Variants in FGF2 observed in about 807,000 individuals in gnomAD.
FGF2 encodes fibroblast growth factor 2.
FGF2 carries 13 observed loss-of-function variants against 15.9 expected under a neutral mutation model. The ratio of observed to expected loss-of-function variants is 0.82; its 90% CI spans 0.53 to 1.30. FGF2 has a LOEUF of 1.30. Among genes scored for constraint, FGF2 ranks in the 50% most tolerant of loss-of-function variants. The pLI, the probability that FGF2 is intolerant of heterozygous loss-of-function variation, is 0.00. For synonymous variants in FGF2, 90 were observed against 78.4 expected (o/e 1.15, Z -0.78); for missense variants, 163 against 196.9 (o/e 0.83, Z 1.03).
chr4:122,888,089 C>T (rs368536384), intron 2 of FGF2, among the ~76,000 whole-genome samples: 1 of 152,146 alleles, frequency 6.6e-6, no homozygotes, highest in South Asian at 2.1e-4. Flanking sequence ...GAATTATTAA[C>T]CTTTTCCTAT....
intron 1 of FGF2, among the ~76,000 whole-genome samples, chr4:122,864,916 TTA>T (rs1726541439): frequency 6.6e-6 from 1 of 152,324 alleles, no homozygotes; most frequent in South Asian, 2.1e-4. Context: ...TACATGCTTA[TTA>T]TAAAGGTAAC....
intron 1 of FGF2, among the ~76,000 whole-genome samples, chr4:122,875,334 A>G (rs925542980): frequency 6.6e-6 from 1 of 151,790 alleles, no homozygotes; most frequent in Non-Finnish European, 1.5e-5. Flanking sequence ...TTTTATGAAA[A>G]TCTTTCATCA....
chr4:122,844,410 G>C (rs1368939406), intron 1 of FGF2, among the ~76,000 whole-genome samples: 2 of 152,118 alleles, frequency 1.3e-5, no homozygotes, highest in Non-Finnish European at 2.9e-5. Context: ...ATGAGGGTTG[G>C]AGTCAACTTC....
At chr4:122,885,245 A>T (rs1411077468) in intron 2 of FGF2, among the ~76,000 whole-genome samples, 3 of 152,240 alleles carry the variant, frequency 2.0e-5, no homozygotes, top group Non-Finnish European at 4.4e-5. Flanking sequence ...AAGCTATCTG[A>T]AAAAGTTCCA....
rs1279664860 is a variant in FGF2 at position 122,894,610 on chromosome 4, TAAGAA to T, written c.*2218_*2222del. On this transcript the variant is annotated 3_prime_UTR_variant, in exon 3 of 3. Transcript: ENST00000644866. Reference sequence around the variant, plus strand: ...TCAAAAAAAGAGAAATTTTCCTTAATAAGAAAAGTAATTTTTACTCTGATGTGCAA... The same window carrying T: ...TCAAAAAAAGAGAAATTTTCCTTAATAAGTAATTTTTACTCTGATGTGCAA... 1 of 151,730 alleles carries T rather than the reference TAAGAA, an allele frequency of 6.6e-6. No homozygotes were observed. Among genetic ancestry groups the T allele is most frequent in the Non-Finnish European group, 1.5e-5 (1 of 68,018 alleles). 9.4% of individuals were successfully genotyped at this position (151,730 alleles called of 1,614,324 possible).
At chr4:122,859,804 C>CT (rs1286336417) in intron 1 of FGF2, among the ~76,000 whole-genome samples, 1 of 152,202 alleles carries the variant, frequency 6.6e-6, no homozygotes, top group Non-Finnish European at 1.5e-5. Flanking sequence ...GTTATTTACT[C>CT]TGAGTACTAC....
At chr4:122,837,325 C>CA (rs1165668283) in intron 1 of FGF2, among the ~76,000 whole-genome samples, 1 of 152,072 alleles carries the variant, frequency 6.6e-6, no homozygotes, top group Non-Finnish European at 1.5e-5. Flanking sequence ...AAATAGAAAA[C>CA]AATTCATAAG....
At chr4:122,856,104 C>T (rs1292710316) in intron 1 of FGF2, among the ~76,000 whole-genome samples, 1 of 152,136 alleles carries the variant, frequency 6.6e-6, no homozygotes, top group African/African-American at 2.4e-5. Context: ...AGTGATTCCT[C>T]TTCAAAACAT....
At position 122,827,055 on chromosome 4, in the gene FGF2, GGGGGCC is replaced by G. The variant is rs966524067; in HGVS notation, c.-106_-101del. 325 of 1,110,712 alleles carry G rather than the reference GGGGGCC, an allele frequency of 2.9e-4. No homozygotes were observed. In the African/African-American group the frequency reaches 4.9e-3, roughly 17 times the overall value. 68.8% of individuals were successfully genotyped at this position (1,110,712 alleles called of 1,614,324 possible). A position where few individuals can be genotyped will look rare whatever the true frequency, so the allele number is the denominator to read the frequency against. ...CCGCGCGCTGCCGGGCGGGAGGCTG[GGGGGCC>G]GGGGCCGGGGCCGTGCCCCGGAGCG... is the stretch of plus-strand genomic sequence containing the variant. On this transcript the variant is annotated 5_prime_UTR_variant, in exon 1 of 3. Coordinates refer to ENST00000644866, the MANE Select transcript of FGF2 (RefSeq NM_001361665.2). This position sits in a 1 kb window ranked among gnomAD's most constrained non-coding sequence, Gnocchi z 4.2.
chr4:122,887,412 TC>T (rs1011061254), intron 2 of FGF2, among the ~76,000 whole-genome samples: 2 of 151,894 alleles, frequency 1.3e-5, no homozygotes, highest in Non-Finnish European at 2.9e-5. Context: ...ATTTTAGCAG[TC>T]CCCCCCACTT....
At chr4:122,842,046 C>T (rs1433474690) in intron 1 of FGF2, among the ~76,000 whole-genome samples, 2 of 152,174 alleles carry the variant, frequency 1.3e-5, no homozygotes, top group Admixed American at 1.3e-4. Context: ...GGTATCACTC[C>T]AGAAGTGGAT....
In FGF2 at chr4:122,876,414, T is replaced by C. The variant is rs1726847250; in HGVS notation, c.272T>C (p.Leu91Ser). ...CTGGCTATGAAGGAAGATGGAAGAT[T>C]ACTGGCTTCTGTAAGCATACTTTCT... The part of the protein sequence containing the change: ...RYLAMKEDGR[L>S]LASKCVTDEC... The change falls in exon 2 of 3, where the codon TTA becomes TCA. Residue 91 changes from leucine (L) to serine (S), a missense_variant. Leu to Ser is a moderately radical substitution (Grantham distance 145). Transcript: ENST00000644866. 2.4e-5 allele frequency: 39 copies of C among 1,602,008 alleles called. No individual in the cohort carries two copies. The highest frequency in any genetic ancestry group is 3.3e-5 in the Non-Finnish European group (39 of 1,168,984).
intron 1 of FGF2, among the ~76,000 whole-genome samples, chr4:122,843,331 G>A (rs540057548): frequency 6.6e-6 from 1 of 152,390 alleles, no homozygotes; most frequent in South Asian, 2.1e-4. Flanking sequence ...ACCAAAAGAA[G>A]TTTGGAATGG....
chr4:122,848,844 A>G (rs946651634), intron 1 of FGF2, among the ~76,000 whole-genome samples: 3 of 152,226 alleles, frequency 2.0e-5, no homozygotes, highest in Admixed American at 6.5e-5. Context: ...GAGAGGTCCA[A>G]GATGACACTG....
At chr4:122,833,135 CGG>C (rs1322846909) in intron 1 of FGF2, among the ~76,000 whole-genome samples, 8 of 151,870 alleles carry the variant, frequency 5.3e-5, no homozygotes, top group African/African-American at 1.9e-4. Flanking sequence ...TTGACTTGAC[CGG>C]TGTATCTTTG....
At chr4:122,868,161 A>T (rs1006316107) in intron 1 of FGF2, among the ~76,000 whole-genome samples, 5 of 152,098 alleles carry the variant, frequency 3.3e-5, no homozygotes, top group Admixed American at 6.5e-5. Flanking sequence ...TTCTTTTTTT[A>T]AAATTTCTTC....
Position 122,827,406 on chromosome 4 carries a change from G to A in FGF2, c.178+54G>A. 4 of 1,586,014 alleles carry A rather than the reference G, an allele frequency of 2.5e-6. No homozygotes were observed. Among genetic ancestry groups the A allele is most frequent in the Non-Finnish European group, 3.5e-6 (4 of 1,157,862 alleles). Reference sequence around the variant, plus strand: ...ATTTCCATTTCGTGGGTTCTCGCCCGCTCTCTCCCCTCCAGCCTGCACCCT... The same window carrying A: ...ATTTCCATTTCGTGGGTTCTCGCCCACTCTCTCCCCTCCAGCCTGCACCCT... On this transcript the variant is annotated intron_variant, in intron 1 of 2. Transcript: ENST00000644866. The surrounding 1 kb of genome is among the most constrained non-coding windows in gnomAD (Gnocchi z 4.2).
rs745924109 is a variant in FGF2, at chr4:122,892,389, A to C, written c.461A>C (p.Lys154Thr). The C allele has an allele frequency of 1.2e-6, 2 of 1,613,964 alleles. No homozygotes were observed. Among genetic ancestry groups the C allele is most frequent in the African/African-American group, 2.7e-5 (2 of 74,932 alleles). ...KAILFLPMSAKS is the reference protein window; with the variant it reads ...KAILFLPMSATS ...ATACTTTTTCTTCCAATGTCTGCTA[A>C]GAGCTGATTTTAATGGCCACATCTA... Residue 154 changes from lysine (K) to threonine (T), a missense_variant, in exon 3 of 3, where the codon AAG becomes ACG. Coordinates refer to ENST00000644866, the MANE Select transcript of FGF2 (RefSeq NM_001361665.2).
chr4:122,827,243 C>A lies in FGF2; in HGVS notation c.69C>A (p.Pro23=). 1 of 1,612,144 alleles carries A rather than the reference C, an allele frequency of 6.2e-7. No individual in the cohort carries two copies. Among genetic ancestry groups the A allele is most frequent in the South Asian group, 1.1e-5 (1 of 91,018 alleles). The change falls in exon 1 of 3, where the codon CCC becomes CCA. Residue 23 remains proline (P), a synonymous_variant. Transcript: ENST00000644866. The surrounding 1 kb of genome is among the most constrained non-coding windows in gnomAD (Gnocchi z 4.2). ...ATGGCGGCAGCGGCGCCTTCCCGCC[C>A]GGCCACTTCAAGGACCCCAAGCGGC... ...PEDGGSGAFP[P]GHFKDPKRLY... is the part of the protein sequence containing the mutation.
Sources: allele counts gnomAD v4.1 joint callset (sites outside exome capture counted in the v4.1 genomes callset), GRCh38; gene constraint gnomAD v4.1.1; non-coding constraint Gnocchi (gnomAD v3.1); transcripts MANE v1.5; gene names NCBI Gene and HGNC (gene_info 2026-07-23, HGNC 2026-07-21).